Variants in PKHD1 observed in about 807,000 individuals in gnomAD.
PKHD1 encodes PKHD1 ciliary IPT domain containing fibrocystin/polyductin.
A neutral mutation model predicts 412.0 loss-of-function variants in PKHD1; 291 were observed. The observed-to-expected ratio is 0.71, with a 90% CI of 0.64 to 0.78. The LOEUF (loss-of-function observed/expected upper bound fraction) is 0.78. PKHD1 is among the 30% of genes least tolerant of loss of function. The pLI is 0.00. For missense variants in PKHD1, 4,825 were observed against 4,950.7 expected, an observed-to-expected ratio of 0.97 and a Z score of 0.76; for synonymous variants, 1,777 against 1,821.5, an observed-to-expected ratio of 0.98 and a Z score of 0.62.
chr6:51,719,309 A>G (rs1292818959), intron 60 of PKHD1, among the ~76,000 whole-genome samples: 1 of 152,110 alleles, frequency 6.6e-6, no homozygotes, highest in Non-Finnish European at 1.5e-5. Flanking sequence ...CCTGGGCTCC[A>G]GCAATCCTCT....
At chr6:51,725,652 C>T (rs758754693) in intron 60 of PKHD1, among the ~76,000 whole-genome samples, 16 of 152,212 alleles carry the variant, frequency 1.1e-4, no homozygotes, top group South Asian at 1.0e-3. Context: ...CTGGAAACAA[C>T]GAGGAACAAT....
chr6:51,955,476 G>A (rs1460059290), intron 36 of PKHD1, among the ~76,000 whole-genome samples: 1 of 152,006 alleles, frequency 6.6e-6, no homozygotes, highest in African/African-American at 2.4e-5. Context: ...AGAAAAAAAT[G>A]TCAATTCTAT....
chr6:51,795,266 G>A (rs982484232), intron 52 of PKHD1, among the ~76,000 whole-genome samples: 1 of 152,072 alleles, frequency 6.6e-6, no homozygotes, highest in East Asian at 1.9e-4. Flanking sequence ...TGTATTCACA[G>A]GTATTTTACT....
At position 52,056,916 on chromosome 6, in the gene PKHD1, T is replaced by C. The variant is rs142608481; in HGVS notation, c.1576A>G (p.Ile526Val). The change falls in exon 17 of 67, where the codon ATC becomes GTC. Residue 526 changes from isoleucine (I) to valine (V), a missense_variant. Physicochemically the swap from Ile to Val is conservative, Grantham distance 29. Coordinates refer to ENST00000371117, the MANE Select transcript of PKHD1 (RefSeq NM_138694.4). ...LTWDNVSSQP[I>V]PANATAHLIQ... The stretch of plus-strand genomic sequence containing the variant: ...AGATGGGCTGTGGCATTTGCAGGGA[T>C]TGGCTGACTAGAGACATTGTCCCAA... 9.8e-5 allele frequency: 158 copies of C among 1,613,876 alleles called. No homozygotes were observed. In the Middle Eastern group the frequency reaches 9.9e-4, roughly 10 times the overall value.
At position 51,867,467 on chromosome 6, in the gene PKHD1, T is replaced by C. The variant is rs187054182; in HGVS notation, c.7733+396A>G. On this transcript the variant is annotated intron_variant, in intron 48 of 66. Transcript: ENST00000371117. The stretch of plus-strand genomic sequence containing the variant: ...TCAGCAATTGCTTCCCTGGAGCATA[T>C]TGAACACTTAAAAAGAGCTTGGGAA... 1.5e-3 allele frequency among the ~76,000 whole-genome samples: 230 copies of C among 152,252 alleles called. 1 individual carries two copies. Among genetic ancestry groups the C allele is most frequent in the African/African-American group, 5.1e-3 (214 of 41,560 alleles).
chr6:51,906,270 G>A lies in PKHD1; in HGVS notation c.6753C>T (p.Gly2251=), dbSNP rs1298717679. The A allele has an allele frequency of 2.5e-6, 4 of 1,610,120 alleles. No individual in the cohort carries two copies. The Admixed American group carries it at 5.0e-5, about 20-fold the overall frequency. ...SRGLSMCGTL[G]LKVDSNVFYN... The stretch of plus-strand genomic sequence containing the variant: ...AGAATACATTACTGTCCACCTTCAG[G>A]CCCAAGGTCCCGCACATGCTGAGGC... The change falls in exon 41 of 67, where the codon GGC becomes GGT. Residue 2251 remains glycine, a synonymous_variant. Transcript: ENST00000371117.
chr6:52,069,394 G>C, intron 11 of PKHD1, 63 bp downstream of exon 11: 1 of 1,173,206 alleles, frequency 8.5e-7, no homozygotes, highest in South Asian at 1.2e-5. Context: ...AAAAGATAGG[G>C]AAGGAGGGGC....
chr6:51,718,211 T>C (rs1459318316), intron 60 of PKHD1, among the ~76,000 whole-genome samples: 3 of 152,192 alleles, frequency 2.0e-5, no homozygotes, highest in Non-Finnish European at 2.9e-5. Context: ...AAAAAGCACT[T>C]CCCTTATCCC....
chr6:51,739,967 G>T (rs1198806005), intron 60 of PKHD1: 1 of 518,532 alleles, frequency 1.9e-6, no homozygotes, highest in Non-Finnish European at 3.9e-6. Context: ...GGAAAGCTTT[G>T]GTATCTGCCT....
intron 60 of PKHD1, among the ~76,000 whole-genome samples, chr6:51,725,113 G>C (rs1782413590): frequency 2.0e-5 from 3 of 152,152 alleles, no homozygotes; most frequent in Non-Finnish European, 4.4e-5. Flanking sequence ...AAATGAGTCA[G>C]GCTGCTGGAA....
At chr6:51,828,670 G>C (rs1222004278) in intron 52 of PKHD1, among the ~76,000 whole-genome samples, 1 of 151,138 alleles carries the variant, frequency 6.6e-6, no homozygotes, top group Non-Finnish European at 1.5e-5. Context: ...CTTTGCGCCA[G>C]AGTCAGGTGG....
intron 9 of PKHD1, 99 bp downstream of exon 9, chr6:52,070,901 GTTATTA>G: frequency 1.3e-6 from 1 of 758,070 alleles, no homozygotes; most frequent in South Asian, 1.5e-5. Context: ...AGTAATTATT[GTTATTA>G]TTATTATCCT....
rs1788774839 is a variant in PKHD1 at position 51,942,684 on chromosome 6, C to T, written c.5909-8362G>A. 1.3e-5 allele frequency among the ~76,000 whole-genome samples: 2 copies of T among 151,578 alleles called. 1 individual carries two copies. Among genetic ancestry groups the T allele is most frequent in the Non-Finnish European group, 3.0e-5 (2 of 67,750 alleles). ...TCTTTCCTGTTCCTCACCCTGATCA[C>T]ACTTGGTTTATTGATGGCAGTTCCA... On this transcript the variant is annotated intron_variant, in intron 36 of 66. Transcript: ENST00000371117.
intron 60 of PKHD1, among the ~76,000 whole-genome samples, chr6:51,671,942 T>C (rs1028740904): frequency 1.3e-5 from 2 of 152,126 alleles, no homozygotes; most frequent in Non-Finnish European, 2.9e-5. Flanking sequence ...GAACCACTGC[T>C]CTCTTCAAAG....
chr6:51,783,036 C>T (rs971430496), intron 53 of PKHD1, among the ~76,000 whole-genome samples: 5 of 152,124 alleles, frequency 3.3e-5, no homozygotes, highest in African/African-American at 9.7e-5. Flanking sequence ...ATCAAAGGCA[C>T]GTGCTAATGA....
At chr6:51,856,513 C>G (rs1773333308) in intron 48 of PKHD1, among the ~76,000 whole-genome samples, 1 of 152,132 alleles carries the variant, frequency 6.6e-6, no homozygotes, top group Admixed American at 6.6e-5. Context: ...CAGAATTTTG[C>G]CTTGGACCAG....
intron 60 of PKHD1, among the ~76,000 whole-genome samples, chr6:51,714,109 G>T (rs6920806): frequency 1.3e-5 from 2 of 151,978 alleles, no homozygotes; most frequent in African/African-American, 2.4e-5. Context: ...CAGTGGCTCA[G>T]GCCTGTAATC....
intron 35 of PKHD1, among the ~76,000 whole-genome samples, chr6:51,993,062 C>T (rs1393530964): frequency 6.6e-6 from 1 of 152,226 alleles, no homozygotes; most frequent in Non-Finnish European, 1.5e-5. Flanking sequence ...TCCTGCACTA[C>T]CAGTCCGGAT....
intron 53 of PKHD1, among the ~76,000 whole-genome samples, chr6:51,780,246 C>T (rs927057593): frequency 3.9e-5 from 6 of 151,962 alleles, no homozygotes; most frequent in Non-Finnish European, 7.4e-5. Context: ...ATTAGCTTGG[C>T]GTGGTGCGAC....
Sources: allele counts gnomAD v4.1 joint callset (sites outside exome capture counted in the v4.1 genomes callset), GRCh38; gene constraint gnomAD v4.1.1; transcripts MANE v1.5; gene names NCBI Gene and HGNC (gene_info 2026-07-23, HGNC 2026-07-21).